Variants in GK5 observed in about 807,000 individuals in gnomAD.
GK5 encodes glycerol kinase 5, also known as ATP:glycerol 3-phosphotransferase 5.
In GK5, 39 loss-of-function variants were observed where a neutral mutation model predicts 77.3. That is an observed-to-expected ratio of 0.50 (90% CI 0.39 to 0.66). The LOEUF (loss-of-function observed/expected upper bound fraction) is 0.66, where lower values mean the gene tolerates loss of function less well. Among genes scored for constraint, GK5 ranks in the 30% least tolerant of loss-of-function variants. The pLI, the probability that GK5 is intolerant of heterozygous loss-of-function variation, is 0.00. For synonymous variants in GK5, 211 were observed against 208.0 expected (o/e 1.01, Z -0.13); for missense variants, 487 against 633.8 (o/e 0.77, Z 2.49).
At chr3:142,187,969 A>G (rs1266862830) in intron 5 of GK5, among the ~76,000 whole-genome samples, 190 bp from the exon 6 acceptor site, 4 of 152,094 alleles carry the variant, frequency 2.6e-5, no homozygotes, top group African/African-American at 9.7e-5. Context: ...GCCAGGGGAG[A>G]GAGGGAAGAT....
In GK5 at chr3:142,159,431, G is replaced by A. The variant is rs187263791; in HGVS notation, c.*6191C>T. ...ACAGATCAAATTTATAGTAAAGTGG[G>A]GAAAGACAGTAGAAATAGAATAACA... On this transcript the variant is annotated 3_prime_UTR_variant, in exon 16 of 16. Transcript: ENST00000392993. 6.6e-6 allele frequency: 1 copy of A among 152,100 alleles called. No homozygotes were observed. Among genetic ancestry groups the A allele is most frequent in the Non-Finnish European group, 1.5e-5 (1 of 67,988 alleles). The allele number at this position is 152,100 out of a possible 1,614,324, so 9.4% of individuals were successfully genotyped here. A position where few individuals can be genotyped will look rare whatever the true frequency, so the allele number is the denominator to read the frequency against.
At chr3:142,213,504 G>C (rs745466664) in intron 3 of GK5, 22 bp downstream of exon 3, 1 of 1,395,800 alleles carries the variant, frequency 7.2e-7, no homozygotes, top group Non-Finnish European at 1.0e-6. Context: ...GCAGTAGGGT[G>C]CTTATCACAG....
chr3:142,188,023 C>A (rs1477224601), intron 5 of GK5, among the ~76,000 whole-genome samples: 1 of 151,834 alleles, frequency 6.6e-6, no homozygotes, highest in African/African-American at 2.4e-5. Flanking sequence ...TAGTTGTATA[C>A]CAAGCATGCG....
chr3:142,205,435 T>G (rs977673305), intron 3 of GK5, among the ~76,000 whole-genome samples: 4 of 152,248 alleles, frequency 2.6e-5, no homozygotes, highest in African/African-American at 9.6e-5. Context: ...CTGAACCATG[T>G]TCAATTGCTA....
chr3:142,187,744 A>G lies in GK5; in HGVS notation c.579T>C (p.Phe193=). ...QKAVEEENCC[F]GTIDTWLLYK... is the part of the protein sequence containing the mutation. ...ATAACAACCAGGTATCAATAGTCCC[A>G]AAGCAGCAATTTTCTTCTTCAACTG... Residue 193 remains phenylalanine, a synonymous_variant, in exon 6 of 16, where the codon TTT becomes TTC. Coordinates refer to ENST00000392993, the MANE Select transcript of GK5 (RefSeq NM_001039547.3). The G allele has an allele frequency of 6.2e-7, 1 of 1,612,708 alleles. No homozygotes were observed. The highest frequency in any genetic ancestry group is 8.5e-7 in the Non-Finnish European group (1 of 1,179,612).
chr3:142,225,346 T>C lies in GK5; in HGVS notation c.110A>G (p.Asp37Gly). ...GSSVIRCHVYDRAARVCGSSV... is the reference protein window; with the variant it reads ...GSSVIRCHVYGRAARVCGSSV... ...GGAGCCGCAGACCCGCGCCGCCCGGTCATAGACGTGGCAGCGGATCACAGA... is the reference window on the plus strand; with the variant it reads ...GGAGCCGCAGACCCGCGCCGCCCGGCCATAGACGTGGCAGCGGATCACAGA... Residue 37 changes from aspartate to glycine, a missense_variant, in exon 1 of 16, where the codon GAC (aspartate) becomes GGC (glycine). Asp to Gly is a moderately conservative substitution (Grantham distance 94). Around this residue, in one of 4 missense-constraint regions of GK5, gnomAD observed 97 missense variants for 86.9 expected, o/e 1.12. Transcript: ENST00000392993. 1 of 1,568,554 alleles carries C rather than the reference T, an allele frequency of 6.4e-7. No individual in the cohort carries two copies. The highest frequency in any genetic ancestry group is 8.6e-7 in the Non-Finnish European group (1 of 1,158,198).
At chr3:142,213,443 A>G in intron 3 of GK5, 83 bp downstream of exon 3, 1 of 864,688 alleles carries the variant, frequency 1.2e-6, no homozygotes, top group South Asian at 1.4e-5. Flanking sequence ...CAGAAAGTTA[A>G]AACTCCCCAA....
At chr3:142,167,191 T>C (rs1317640977) in intron 15 of GK5, among the ~76,000 whole-genome samples, 2 of 151,990 alleles carry the variant, frequency 1.3e-5, no homozygotes, top group Non-Finnish European at 2.9e-5. Flanking sequence ...TTGGGCAATA[T>C]GGTGAAACCC....
chr3:142,209,929 TAA>T (rs2064169842), intron 3 of GK5, among the ~76,000 whole-genome samples: 1 of 147,552 alleles, frequency 6.8e-6, no homozygotes, highest in Admixed American at 6.9e-5. Context: ...AGACATTGAC[TAA>T]AGAAACAAAA....
chr3:142,170,489 A>G (rs1368449287), intron 14 of GK5, 31 bp from the exon 15 acceptor site: 1 of 1,560,666 alleles, frequency 6.4e-7, no homozygotes, highest in Non-Finnish European at 8.7e-7. Flanking sequence ...AAGATGAATT[A>G]CTACAACAAA....
At chr3:142,183,319 C>A (rs1301030904) in intron 9 of GK5, 2 of 239,988 alleles carry the variant, frequency 8.3e-6, no homozygotes. Context: ...TTTTTAGAGA[C>A]AGGGTCTTGC....
In GK5 at chr3:142,225,354, G is replaced by T. The variant is rs373219240; in HGVS notation, c.102C>A (p.His34Gln). 6.3e-7 allele frequency: 1 copy of T among 1,575,296 alleles called. No individual in the cohort carries two copies. The highest frequency in any genetic ancestry group is 8.6e-7 in the Non-Finnish European group (1 of 1,161,876). The change falls in exon 1 of 16, where the codon CAC becomes CAA. Residue 34 changes from histidine to glutamine, a missense_variant. By Grantham distance (24) the His-to-Gln change is conservative (BLOSUM62 0). This residue lies in a region of GK5 where 97 missense variants were observed against 86.9 expected (regional missense o/e 1.12). Coordinates refer to ENST00000392993, the MANE Select transcript of GK5 (RefSeq NM_001039547.3). The part of the protein sequence containing the change: ...LDVGSSVIRC[H>Q]VYDRAARVCG... The stretch of plus-strand genomic sequence containing the variant: ...AGACCCGCGCCGCCCGGTCATAGAC[G>T]TGGCAGCGGATCACAGAACTGCCCA...
intron 9 of GK5, among the ~76,000 whole-genome samples, chr3:142,183,857 C>G (rs986842177): frequency 3.3e-5 from 5 of 152,012 alleles, no homozygotes; most frequent in African/African-American, 1.2e-4. Flanking sequence ...CATTGGTCTC[C>G]CAGAATGTTG....
intron 3 of GK5, among the ~76,000 whole-genome samples, chr3:142,207,794 C>G (rs28679663): frequency 6.6e-6 from 1 of 152,094 alleles, no homozygotes; most frequent in Admixed American, 6.5e-5. Flanking sequence ...CACCTAGGAA[C>G]AAAGAGAGAG....
chr3:142,204,866 A>C, intron 3 of GK5, 78 bp from the exon 4 acceptor site: 1 of 756,274 alleles, frequency 1.3e-6, no homozygotes, highest in East Asian at 2.5e-5. Context: ...AGAGAAAACA[A>C]AATTAGAGGC....
Position 142,225,568 on chromosome 3 carries a change from G to C in GK5, c.-113C>G, listed in dbSNP as rs567228850. 9.2e-6 allele frequency: 12 copies of C among 1,306,722 alleles called. No homozygotes were observed. In the South Asian group the frequency reaches 1.4e-4, roughly 16 times the overall value. 80.9% of individuals were successfully genotyped at this position (1,306,722 alleles called of 1,614,324 possible). On this transcript the variant is annotated 5_prime_UTR_variant, in exon 1 of 16. Transcript: ENST00000392993. ...CCCGGGCCCCAACCCGGCTCAGCCGGAGAGCCTAGAGAGGCCTGGCCCCTG... is the reference window on the plus strand; with the variant it reads ...CCCGGGCCCCAACCCGGCTCAGCCGCAGAGCCTAGAGAGGCCTGGCCCCTG...
At chr3:142,197,525 T>A (rs1276442334) in intron 5 of GK5, among the ~76,000 whole-genome samples, 2 of 152,214 alleles carry the variant, frequency 1.3e-5, no homozygotes, top group African/African-American at 4.8e-5. Flanking sequence ...AGTGTGTCCC[T>A]TATAGACAAC....
At chr3:142,223,782 G>A (rs2064389447) in intron 1 of GK5, among the ~76,000 whole-genome samples, 1 of 152,190 alleles carries the variant, frequency 6.6e-6, no homozygotes, top group South Asian at 2.1e-4. Flanking sequence ...AGGTTGCAGT[G>A]AGCCGAGATC....
At position 142,213,605 on chromosome 3, in the gene GK5, A is replaced by G; in HGVS notation, c.242-4T>C. The G allele has an allele frequency of 6.3e-7, 1 of 1,598,060 alleles. No homozygotes were observed. Among genetic ancestry groups the G allele is most frequent in the Non-Finnish European group, 8.6e-7 (1 of 1,166,306 alleles). On this transcript the variant is annotated splice_polypyrimidine_tract_variant and splice_region_variant and intron_variant, in intron 2 of 15. Coordinates refer to ENST00000392993, the MANE Select transcript of GK5 (RefSeq NM_001039547.3). ...TGATTCATCTGTATTCCTGCAGCTA[A>G]AAGTAAAGATGGATAAAACACATGT... is the stretch of plus-strand genomic sequence containing the variant.
Sources: gnomAD v4.1 joint callset for allele counts (sites outside exome capture counted in the v4.1 genomes callset) on GRCh38, gnomAD v4.1.1 for gene constraint, gnomAD v4.1.1 regional missense constraint, MANE v1.5 for transcripts, NCBI Gene and HGNC (gene_info 2026-07-23, HGNC 2026-07-21) for gene names.